Variants in TCF12 observed in about 807,000 individuals in gnomAD.
TCF12 encodes the protein transcription factor 12, also known as DNA-binding protein HTF4.
TCF12 carries 45 observed loss-of-function variants against 86.0 expected under a neutral mutation model. That is an observed-to-expected ratio of 0.52 (90% CI 0.41 to 0.67). The LOEUF is 0.67. Ranked by LOEUF, TCF12 falls within the 30% of genes least tolerant of loss-of-function variation. The probability of loss-of-function intolerance (pLI) is 0.00; values close to 1 mark genes in which losing one functional copy is unlikely to be tolerated. For synonymous variants in TCF12, 330 were observed against 299.6 expected (o/e 1.10, Z -1.05); for missense variants, 881 against 859.9 (o/e 1.02, Z -0.31).
intron 3 of TCF12, among the ~76,000 whole-genome samples, chr15:57,029,209 A>T (rs1014708935): frequency 6.6e-6 from 1 of 151,942 alleles, no homozygotes. Flanking sequence ...TTCCAGCACC[A>T]CTTGTTTGAG....
intron 3 of TCF12, among the ~76,000 whole-genome samples, chr15:57,030,237 GATTA>G (rs1345371293): frequency 4.6e-5 from 7 of 151,876 alleles, no homozygotes; most frequent in Non-Finnish European, 8.8e-5. Context: ...TTGATTAATT[GATTA>G]ATCAATTGAT....
chr15:57,192,361 A>G, intron 7 of TCF12, 68 bp downstream of exon 7: 4 of 1,528,424 alleles, frequency 2.6e-6, no homozygotes, highest in Middle Eastern at 1.8e-4. Context: ...CATAATCTGT[A>G]CTTCTGGCTA....
At chr15:57,148,625 T>C (rs1165080798) in intron 5 of TCF12, among the ~76,000 whole-genome samples, 1 of 150,516 alleles carries the variant, frequency 6.6e-6, no homozygotes, top group Non-Finnish European at 1.5e-5. Context: ...CTCATGCCTG[T>C]ATTCCCAACA....
rs2059122449 is a variant in TCF12 at position 57,231,186 on chromosome 15, A to G, written c.614A>G (p.Asn205Ser). 2 of 1,613,208 alleles carry G rather than the reference A, an allele frequency of 1.2e-6. No homozygotes were observed. Among genetic ancestry groups the G allele is most frequent in the East Asian group, 2.2e-5 (1 of 44,812 alleles). The change falls in exon 9 of 21, where the codon AAC becomes AGC. Residue 205 changes from asparagine to serine, a missense_variant. Asn to Ser is a conservative substitution (Grantham distance 46). This residue lies in a region of TCF12 where 766 missense variants were observed against 718.9 expected (regional missense o/e 1.07). Transcript: ENST00000333725. ...YAPSPNSDDFNRESPSYPSPK... is the reference protein window; with the variant it reads ...YAPSPNSDDFSRESPSYPSPK... ...CCATCCCCAAATTCAGATGATTTCA[A>G]CCGTGAATCTCCTAGTTATCCATCT...
At chr15:57,167,823 GTGT>G (rs1188914755) in intron 6 of TCF12, among the ~76,000 whole-genome samples, 3 of 152,038 alleles carry the variant, frequency 2.0e-5, no homozygotes, top group Non-Finnish European at 2.9e-5. Context: ...TAAAGTTTTA[GTGT>G]TGTTAATGAT....
At chr15:57,116,229 A>G (rs1416778521) in intron 5 of TCF12, among the ~76,000 whole-genome samples, 2 of 152,228 alleles carry the variant, frequency 1.3e-5, no homozygotes, top group African/African-American at 2.4e-5. Flanking sequence ...TGGGTCCTAC[A>G]TATACACATT....
At chr15:56,961,876 C>G (rs2140576954) in intron 3 of TCF12, among the ~76,000 whole-genome samples, 1 of 152,156 alleles carries the variant, frequency 6.6e-6, no homozygotes, top group Non-Finnish European at 1.5e-5. Context: ...GGCGCGGTGG[C>G]TCACGCTTGT....
chr15:57,242,109 A>G (rs1259090703), intron 12 of TCF12, among the ~76,000 whole-genome samples: 1 of 152,208 alleles, frequency 6.6e-6, no homozygotes, highest in Non-Finnish European at 1.5e-5. Context: ...CTTTCTTTAA[A>G]AACAATGTTG....
At chr15:57,171,423 G>T (rs2055490648) in intron 6 of TCF12, among the ~76,000 whole-genome samples, 1 of 151,942 alleles carries the variant, frequency 6.6e-6, no homozygotes, top group Non-Finnish European at 1.5e-5. Flanking sequence ...CTGCCATTTT[G>T]TCTTACCTAT....
chr15:57,015,834 A>G (rs894479819), intron 3 of TCF12, among the ~76,000 whole-genome samples: 2 of 152,210 alleles, frequency 1.3e-5, no homozygotes, highest in South Asian at 2.1e-4. Context: ...AGTTCCAACC[A>G]TTGTAAACAA....
chr15:57,068,451 A>T, intron 4 of TCF12, among the ~76,000 whole-genome samples: 1 of 152,334 alleles, frequency 6.6e-6, no homozygotes, highest in Admixed American at 6.5e-5. Flanking sequence ...TAATTTAACT[A>T]CTTTTATTTA....
At chr15:57,164,930 C>A (rs946719208) in intron 5 of TCF12, among the ~76,000 whole-genome samples, 6 of 152,232 alleles carry the variant, frequency 3.9e-5, no homozygotes, top group Non-Finnish European at 8.8e-5. Context: ...ATCCGCCCGC[C>A]TCGGCCTCCC....
At chr15:57,202,437 C>CTT (rs1295280076) in intron 8 of TCF12, among the ~76,000 whole-genome samples, 27 of 139,338 alleles carry the variant, frequency 1.9e-4, no homozygotes, top group South Asian at 6.9e-4. Flanking sequence ...CTGCCCTCAG[C>CTT]TTTTTTTTTT....
intron 19 of TCF12, among the ~76,000 whole-genome samples, chr15:57,277,627 C>CAAAA (rs572510620): frequency 2.7e-5 from 2 of 74,908 alleles, no homozygotes; most frequent in Non-Finnish European, 5.4e-5. Flanking sequence ...GACTCCATCT[C>CAAAA]AAAAAAAAAA....
chr15:57,267,864 C>G (rs917353376), intron 18 of TCF12, among the ~76,000 whole-genome samples: 1 of 152,170 alleles, frequency 6.6e-6, no homozygotes, highest in African/African-American at 2.4e-5. Context: ...TCTTTGAGCT[C>G]AGTTTCTTCT....
intron 6 of TCF12, among the ~76,000 whole-genome samples, chr15:57,182,455 T>C (rs2056413053): frequency 2.6e-5 from 4 of 152,170 alleles, no homozygotes; most frequent in Admixed American, 2.6e-4. Flanking sequence ...TCTTAAACTT[T>C]TTGTATTTCT....
intron 3 of TCF12, among the ~76,000 whole-genome samples, chr15:56,976,991 C>T (rs1183293382): frequency 6.6e-6 from 1 of 151,976 alleles, no homozygotes; most frequent in Non-Finnish European, 1.5e-5. Context: ...TTCAAGTGCT[C>T]AATAGCTATA....
intron 3 of TCF12, among the ~76,000 whole-genome samples, chr15:56,923,867 G>A (rs116679963): frequency 0.011 from 1,656 of 152,070 alleles, 33 homozygotes; most frequent in African/African-American, 0.038. Context: ...TAACTATTAA[G>A]TAAAGCTTCA....
At chr15:56,958,176 C>T (rs1185180663) in intron 3 of TCF12, among the ~76,000 whole-genome samples, 1 of 152,168 alleles carries the variant, frequency 6.6e-6, no homozygotes, top group Non-Finnish European at 1.5e-5. Flanking sequence ...CTCTGCCCTG[C>T]CGACTCTATG....
Sources: allele counts gnomAD v4.1 joint callset (sites outside exome capture counted in the v4.1 genomes callset), GRCh38; gene constraint gnomAD v4.1.1; regional missense constraint gnomAD v4.1.1; transcripts MANE v1.5; gene names NCBI Gene and HGNC (gene_info 2026-07-23, HGNC 2026-07-21).